POLA1: variants seen among roughly 807,000 people sequenced by gnomAD.
POLA1 encodes the protein DNA polymerase alpha 1, catalytic subunit, also known as DNA polymerase alpha catalytic subunit.
POLA1 carries 15 observed loss-of-function variants against 124.0 expected under a neutral mutation model. The observed-to-expected ratio is 0.12, with a 90% confidence interval of 0.08 to 0.19. The LOEUF (loss-of-function observed/expected upper bound fraction) is 0.19. POLA1 is among the 10% of genes least tolerant of loss of function. The pLI, the probability that POLA1 is intolerant of heterozygous loss-of-function variation, is 1.00. For synonymous variants in POLA1, 408 were observed against 389.4 expected, an observed-to-expected ratio of 1.05 and a Z score of -0.56; for missense variants, 886 against 1,103.4, an observed-to-expected ratio of 0.80 and a Z score of 2.79.
At chrX:24,698,754 A>C (rs1928203319) in intron 1 of POLA1, among the ~76,000 whole-genome samples, 1 of 111,022 alleles carries the variant, frequency 9.0e-6, no homozygotes, top group Non-Finnish European at 1.9e-5. Flanking sequence ...CCCGGGTTCA[A>C]GTGTTTCTCC....
At chrX:24,802,284 A>G (rs1329356377) in intron 26 of POLA1, among the ~76,000 whole-genome samples, 2 of 111,949 alleles carry the variant, frequency 1.8e-5, no homozygotes, top group Non-Finnish European at 3.8e-5. Context: ...AAGTTGACAC[A>G]TAAAATTAAC....
chrX:24,845,120 A>G (rs901097588), intron 34 of POLA1, among the ~76,000 whole-genome samples: 1 of 112,098 alleles, frequency 8.9e-6, no homozygotes, highest in African/African-American at 3.2e-5. Context: ...TGACTGAAAG[A>G]CTGATTTCTA....
intron 36 of POLA1, among the ~76,000 whole-genome samples, chrX:24,968,800 A>T (rs1004560285): frequency 4.5e-5 from 5 of 110,812 alleles, no homozygotes; most frequent in African/African-American, 1.3e-4. Flanking sequence ...AGCACTTTGG[A>T]TTCCAAGTTC....
intron 26 of POLA1, among the ~76,000 whole-genome samples, chrX:24,773,717 T>TG (rs1251283000): frequency 8.9e-6 from 1 of 112,289 alleles, no homozygotes; most frequent in Non-Finnish European, 1.9e-5. Flanking sequence ...TTCTCTCAGA[T>TG]GGTAGATAAC....
chrX:24,920,484 A>G (rs1177553317), intron 35 of POLA1, among the ~76,000 whole-genome samples: 1 of 111,808 alleles, frequency 8.9e-6, no homozygotes, highest in Non-Finnish European at 1.9e-5. Context: ...CTGGCACACA[A>G]AGCAAGTATG....
At chrX:24,786,669 C>G (rs2045367979) in intron 26 of POLA1, among the ~76,000 whole-genome samples, 1 of 98,989 alleles carries the variant, frequency 1.0e-5, no homozygotes, top group African/African-American at 3.7e-5. Flanking sequence ...TCATCATCAT[C>G]AGGCTTGGCT....
intron 35 of POLA1, among the ~76,000 whole-genome samples, chrX:24,904,965 A>C (rs1382913923): frequency 1.9e-5 from 2 of 105,788 alleles, no homozygotes; most frequent in Non-Finnish European, 3.9e-5. Context: ...CAGAGGTTGC[A>C]GTGAGCCGAG....
chrX:24,902,845 T>C lies in POLA1; in HGVS notation c.4164+14723T>C, dbSNP rs183579258. Reference sequence around the variant, plus strand: ...GATATAGGAACCTAAACAAAAACAATGACATAGTTTTACACATCTTCAGTA... The same window carrying C: ...GATATAGGAACCTAAACAAAAACAACGACATAGTTTTACACATCTTCAGTA... On this transcript the variant is annotated intron_variant, in intron 35 of 36. Transcript: ENST00000379068. 3.6e-5 allele frequency among the ~76,000 whole-genome samples: 4 copies of C among 112,301 alleles called. No homozygotes were observed. The East Asian group carries it at 1.1e-3, about 31-fold the overall frequency.
chrX:24,902,373 A>G (rs1004413445), intron 35 of POLA1, among the ~76,000 whole-genome samples: 10 of 111,825 alleles, frequency 8.9e-5, no homozygotes, highest in African/African-American at 3.3e-4. Context: ...CTTTCTCTAC[A>G]TAATCTATTT....
chrX:24,894,792 T>C (rs1345521451), intron 35 of POLA1, among the ~76,000 whole-genome samples: 1 of 108,320 alleles, frequency 9.2e-6, no homozygotes, highest in Non-Finnish European at 1.9e-5. Flanking sequence ...TCTTTTCTTT[T>C]TTTTTTTTTT....
intron 36 of POLA1, among the ~76,000 whole-genome samples, chrX:24,989,174 G>A (rs2048509151): frequency 9.0e-6 from 1 of 111,369 alleles, no homozygotes; most frequent in African/African-American, 3.3e-5. Flanking sequence ...TCTTAGTTGA[G>A]GGGGGCAGTA....
intron 30 of POLA1, among the ~76,000 whole-genome samples, chrX:24,819,929 A>G (rs1408555645): frequency 9.0e-6 from 1 of 111,067 alleles, no homozygotes; most frequent in African/African-American, 3.3e-5. Flanking sequence ...TTCCTGTGTT[A>G]GTTTGCTGAG....
chrX:24,947,174 A>G (rs954999512), intron 36 of POLA1, among the ~76,000 whole-genome samples: 2 of 105,440 alleles, frequency 1.9e-5, no homozygotes, highest in Admixed American at 1.0e-4. Context: ...GGACTGTCTC[A>G]ACCCAGGCAC....
At chrX:24,975,567 A>G (rs1314043200) in intron 36 of POLA1, among the ~76,000 whole-genome samples, 2 of 112,232 alleles carry the variant, frequency 1.8e-5, no homozygotes, top group Admixed American at 9.4e-5. Flanking sequence ...TCTGCATTCA[A>G]TCTGTGGTAA....
At chrX:24,769,718 A>G (rs774497821) in intron 26 of POLA1, among the ~76,000 whole-genome samples, 2 of 111,615 alleles carry the variant, frequency 1.8e-5, no homozygotes, top group East Asian at 5.7e-4. Flanking sequence ...ATTGAAGTGC[A>G]CTGATGTGAC....
chrX:24,970,479 T>A (rs756947083), intron 36 of POLA1, among the ~76,000 whole-genome samples: 5 of 111,789 alleles, frequency 4.5e-5, no homozygotes, highest in Non-Finnish European at 7.5e-5. Flanking sequence ...ACTTAAGAGC[T>A]TCTGCACAGC....
At chrX:24,832,620 T>C (rs1455818904) in intron 32 of POLA1, among the ~76,000 whole-genome samples, 1 of 112,363 alleles carries the variant, frequency 8.9e-6, no homozygotes, top group Non-Finnish European at 1.9e-5. Context: ...AAAATTGTTT[T>C]AATTAAGTAC....
At chrX:24,951,295 AACAGTTTGATCACTAT>A (rs1189859189) in intron 36 of POLA1, among the ~76,000 whole-genome samples, 19 of 98,235 alleles carry the variant, frequency 1.9e-4, no homozygotes, top group Admixed American at 3.5e-4. Context: ...CTTGCTCAGT[AACAGTTTGATCACTAT>A]ACAGATACTC....
chrX:24,949,918 G>C (rs2048013670), intron 36 of POLA1, among the ~76,000 whole-genome samples: 1 of 109,154 alleles, frequency 9.2e-6, no homozygotes, highest in Non-Finnish European at 1.9e-5. Flanking sequence ...ATTTTTAGTT[G>C]AGACGGGGGA....
Sources: allele counts gnomAD v4.1 joint callset (sites outside exome capture counted in the v4.1 genomes callset), GRCh38; gene constraint gnomAD v4.1.1; transcripts MANE v1.5; gene names NCBI Gene and HGNC (gene_info 2026-07-23, HGNC 2026-07-21).